PAX3: variants seen among roughly 807,000 people sequenced by gnomAD.
PAX3 encodes paired box protein Pax-3.
In PAX3, 14 loss-of-function variants were observed where a neutral mutation model predicts 51.6. The observed-to-expected ratio is 0.27, with a 90% CI of 0.18 to 0.42. The LOEUF (loss-of-function observed/expected upper bound fraction) is 0.42. Among genes scored for constraint, PAX3 ranks in the 10% least tolerant of loss-of-function variants. PAX3 has a pLI of 1.00. For synonymous variants in PAX3, 280 were observed against 253.4 expected (o/e 1.11, Z -1.00); for missense variants, 540 against 642.8 (o/e 0.84, Z 1.73).
intron 4 of PAX3, among the ~76,000 whole-genome samples, chr2:222,272,291 T>C (rs180731659): frequency 6.6e-4 from 100 of 152,258 alleles, no homozygotes; most frequent in Admixed American, 1.8e-3. Flanking sequence ...ATACCCCTTC[T>C]CCCAAGCACC....
chr2:222,293,250 C>G (rs1228110380), intron 4 of PAX3, among the ~76,000 whole-genome samples: 1 of 152,220 alleles, frequency 6.6e-6, no homozygotes, highest in Non-Finnish European at 1.5e-5. Context: ...CAACCACCCC[C>G]AAGGCCAAAG....
At chr2:222,277,170 T>G (rs1317142461) in intron 4 of PAX3, among the ~76,000 whole-genome samples, 1 of 152,198 alleles carries the variant, frequency 6.6e-6, no homozygotes, top group Non-Finnish European at 1.5e-5. Flanking sequence ...CAATAGATCT[T>G]AATTTTGCAA....
rs537068395 is a variant in PAX3 at position 222,243,756 on chromosome 2, G to A, written c.587-11473C>T. Among the ~76,000 whole-genome samples the A allele has an allele frequency of 1.1e-4, 16 of 152,278 alleles. No individual in the cohort carries two copies. In the South Asian group the frequency reaches 3.3e-3, roughly 32 times the overall value. On this transcript the variant is annotated intron_variant, in intron 4 of 8. Coordinates refer to ENST00000392070, the MANE Select transcript of PAX3 (RefSeq NM_181458.4). ...TTGGGTTCTATAAAAAAGAAAAAGGGTAGCACAGGAAGCTTGTTTTGAAAA... is the reference window on the plus strand; with the variant it reads ...TTGGGTTCTATAAAAAAGAAAAAGGATAGCACAGGAAGCTTGTTTTGAAAA...
chr2:222,246,880 A>C (rs1485179344), intron 4 of PAX3, among the ~76,000 whole-genome samples: 1 of 152,204 alleles, frequency 6.6e-6, no homozygotes, highest in Non-Finnish European at 1.5e-5. Context: ...ATTATAAAGC[A>C]CTACTCCTTT....
intron 4 of PAX3, among the ~76,000 whole-genome samples, chr2:222,277,314 T>C (rs747524737): frequency 2.0e-5 from 3 of 152,194 alleles, no homozygotes; most frequent in Non-Finnish European, 4.4e-5. Flanking sequence ...TCCTAGACTC[T>C]CAGTCTTGAG....
At chr2:222,210,177 A>G (rs544968362) in intron 7 of PAX3, among the ~76,000 whole-genome samples, 1 of 152,202 alleles carries the variant, frequency 6.6e-6, no homozygotes, top group Non-Finnish European at 1.5e-5. Flanking sequence ...TGCAGAACCT[A>G]CTTTGATCTT....
chr2:222,275,822 G>A (rs918729557), intron 4 of PAX3, among the ~76,000 whole-genome samples: 1 of 152,218 alleles, frequency 6.6e-6, no homozygotes, highest in East Asian at 1.9e-4. Context: ...AGTTTTCTCT[G>A]AAACTCTGTT....
rs1286830273 is a variant in PAX3, at chr2:222,201,237, C to A, written c.*171G>T. ...CGAACGTGTTCAAAAGGATTTGAAACCAACTATTGGAGGAAGAAAATCAAT... is the reference window on the plus strand; with the variant it reads ...CGAACGTGTTCAAAAGGATTTGAAAACAACTATTGGAGGAAGAAAATCAAT... On this transcript the variant is annotated 3_prime_UTR_variant, in exon 9 of 9. Transcript: ENST00000392070. 6.2e-7 allele frequency: 1 copy of A among 1,614,034 alleles called. No homozygotes were observed. The highest frequency in any genetic ancestry group is 2.2e-5 in the East Asian group (1 of 44,854).
At chr2:222,239,776 A>T (rs1293868263) in intron 4 of PAX3, among the ~76,000 whole-genome samples, 1 of 151,622 alleles carries the variant, frequency 6.6e-6, no homozygotes, top group Non-Finnish European at 1.5e-5. Flanking sequence ...TATTCCCTCT[A>T]TGATTTCTCC....
chr2:222,266,264 T>C (rs1162610381), intron 4 of PAX3, among the ~76,000 whole-genome samples: 1 of 152,200 alleles, frequency 6.6e-6, no homozygotes, highest in African/African-American at 2.4e-5. Flanking sequence ...TCCCAAAGTT[T>C]AGGCTCTGTT....
chr2:222,294,612 T>C (rs998981422), intron 3 of PAX3, among the ~76,000 whole-genome samples: 1 of 151,916 alleles, frequency 6.6e-6, no homozygotes, highest in African/African-American at 2.4e-5. Flanking sequence ...GCATTTCCCT[T>C]CCTGGACTCC....
chr2:222,238,904 CAGA>C (rs1692899961), intron 4 of PAX3, among the ~76,000 whole-genome samples: 1 of 152,160 alleles, frequency 6.6e-6, no homozygotes, highest in Non-Finnish European at 1.5e-5. Flanking sequence ...TGGCTAATTG[CAGA>C]AGGTCTCCTG....
Position 222,220,286 on chromosome 2 carries a change from T to C in PAX3, c.1027A>G (p.Thr343Ala). Residue 343 changes from threonine to alanine, a missense_variant, in exon 7 of 9, where the codon ACG becomes GCG. Physicochemically the swap from Thr to Ala is moderately conservative, Grantham distance 58. Coordinates refer to ENST00000392070, the MANE Select transcript of PAX3 (RefSeq NM_181458.4). ...PLPPSTVHQS[T>A]IPSNPDSSSA... is the part of the protein sequence containing the mutation. ...CTGCTGTCTGGGTTGGAAGGAATCG[T>C]GCTTTGGTGTACAGTGCTTGGAGGA... The C allele has an allele frequency of 1.2e-6, 2 of 1,614,048 alleles. No individual in the cohort carries two copies. The highest frequency in any genetic ancestry group is 1.1e-5 in the South Asian group (1 of 91,078).
At chr2:222,208,315 T>C (rs1042501328) in intron 7 of PAX3, among the ~76,000 whole-genome samples, 1 of 152,058 alleles carries the variant, frequency 6.6e-6, no homozygotes, top group African/African-American at 2.4e-5. Context: ...TTTTTTTCTA[T>C]GAATGAAAAA....
chr2:222,279,569 T>C (rs1267287778), intron 4 of PAX3, among the ~76,000 whole-genome samples: 2 of 152,252 alleles, frequency 1.3e-5, no homozygotes, highest in Non-Finnish European at 2.9e-5. Context: ...TCTGGTAACA[T>C]CTTTTCCTAT....
At chr2:222,296,850 G>T in intron 2 of PAX3, 128 bp downstream of exon 2, 3 of 796,238 alleles carry the variant, frequency 3.8e-6, no homozygotes, top group East Asian at 2.7e-5. Context: ...GCGCCTTTAC[G>T]CACCTTCACA....
At chr2:222,276,484 G>A (rs1694424651) in intron 4 of PAX3, among the ~76,000 whole-genome samples, 1 of 152,124 alleles carries the variant, frequency 6.6e-6, no homozygotes, top group Non-Finnish European at 1.5e-5. Flanking sequence ...TGGCTGCCTG[G>A]GGGCCCCATG....
chr2:222,248,477 A>C (rs758947130), intron 4 of PAX3, among the ~76,000 whole-genome samples: 1 of 152,190 alleles, frequency 6.6e-6, no homozygotes, highest in Non-Finnish European at 1.5e-5. Flanking sequence ...CTGTACTGCA[A>C]GAGCATTTTG....
chr2:222,272,312 C>T (rs1035165142), intron 4 of PAX3, among the ~76,000 whole-genome samples: 4 of 152,138 alleles, frequency 2.6e-5, no homozygotes, highest in African/African-American at 7.2e-5. Context: ...AGCATGTTTC[C>T]CAAGCATGGA....
Sources: allele counts gnomAD v4.1 joint callset (sites outside exome capture counted in the v4.1 genomes callset), GRCh38; gene constraint gnomAD v4.1.1; transcripts MANE v1.5; gene names NCBI Gene and HGNC (gene_info 2026-07-23, HGNC 2026-07-21).